MCC: variants seen among roughly 807,000 people sequenced by gnomAD.
MCC encodes colorectal mutant cancer protein.
MCC carries 90 observed loss-of-function variants against 116.2 expected under a neutral mutation model. The observed-to-expected ratio is 0.77, with a 90% CI of 0.65 to 0.92. The LOEUF is 0.92. MCC is among the 40% of genes least tolerant of loss of function. The pLI, the probability that MCC is intolerant of heterozygous loss-of-function variation, is 0.00. For missense variants in MCC, 1,516 were observed against 1,312.2 expected (o/e 1.16, Z -2.40); for synonymous variants, 578 against 510.5 (o/e 1.13, Z -1.78).
intron 1 of MCC, among the ~76,000 whole-genome samples, chr5:113,483,772 G>A (rs568133274): frequency 1.2e-4 from 18 of 152,154 alleles, no homozygotes; most frequent in Admixed American, 1.1e-3. Flanking sequence ...GTTCACAATA[G>A]TAAAGACATG....
At chr5:113,247,218 G>A (rs576026950) in intron 3 of MCC, among the ~76,000 whole-genome samples, 1 of 152,208 alleles carries the variant, frequency 6.6e-6, no homozygotes, top group Non-Finnish European at 1.5e-5. Flanking sequence ...ATCCAGAAGT[G>A]GGGGTTTCAT....
At chr5:113,219,369 C>T (rs1763454542) in intron 3 of MCC, among the ~76,000 whole-genome samples, 1 of 152,104 alleles carries the variant, frequency 6.6e-6, no homozygotes, top group African/African-American at 2.4e-5. Context: ...TGAGGACTTC[C>T]AATAAAAAGT....
Position 113,470,277 on chromosome 5 carries a change from T to A in MCC, c.170+17968A>T, listed in dbSNP as rs575494359. Among the ~76,000 whole-genome samples the A allele has an allele frequency of 2.3e-3, 353 of 152,276 alleles. 1 individual carries two copies. The highest frequency in any genetic ancestry group is 8.0e-3 in the African/African-American group (331 of 41,532). On this transcript the variant is annotated intron_variant, in intron 1 of 18. Transcript: ENST00000408903. ...AGTTGATGCAGTTTCTTCCTAGCCT[T>A]GATCGTCTTTACAATTTGGCATGTT...
intron 1 of MCC, among the ~76,000 whole-genome samples, chr5:113,388,202 A>G (rs912950502): frequency 6.6e-6 from 1 of 152,226 alleles, no homozygotes; most frequent in Non-Finnish European, 1.5e-5. Context: ...GGCTGATATA[A>G]AAGATCAAAG....
intron 9 of MCC, 32 bp downstream of exon 9, chr5:113,085,132 C>A: frequency 2.5e-6 from 4 of 1,613,502 alleles, no homozygotes; most frequent in Non-Finnish European, 3.4e-6. Context: ...AGGAGGTGTT[C>A]CCGCTCATCG....
chr5:113,229,961 G>A (rs1201225544), intron 3 of MCC, among the ~76,000 whole-genome samples: 1 of 152,212 alleles, frequency 6.6e-6, no homozygotes, highest in East Asian at 1.9e-4. Flanking sequence ...CAGTTGTTAA[G>A]GGAAGCATCA....
At position 113,434,944 on chromosome 5, in the gene MCC, G is replaced by T; in HGVS notation, c.171-49732C>A. The T allele has an allele frequency of 7.1e-7, 1 of 1,412,722 alleles. No individual in the cohort carries two copies. The highest frequency in any genetic ancestry group is 9.5e-7 in the Non-Finnish European group (1 of 1,049,442). The allele number at this position is 1,412,722 out of a possible 1,614,324, so 87.5% of individuals were successfully genotyped here. On this transcript the variant is annotated intron_variant, in intron 1 of 18. Transcript: ENST00000408903. This position sits in a 1 kb window ranked among gnomAD's most constrained non-coding sequence, Gnocchi z 4.2. ...TCCTGGATAGAGAGTCCTTTGGGCT[G>T]GCCAGGCCTGCTGTTCCTGCCTCCT...
chr5:113,136,580 C>G (rs1581136129), intron 5 of MCC, among the ~76,000 whole-genome samples: 1 of 152,104 alleles, frequency 6.6e-6, no homozygotes, highest in Middle Eastern at 3.4e-3. Flanking sequence ...AAATTTAAAC[C>G]TTTTTAGATC....
intron 3 of MCC, among the ~76,000 whole-genome samples, chr5:113,152,279 T>C (rs939705556): frequency 6.6e-6 from 1 of 152,194 alleles, no homozygotes; most frequent in South Asian, 2.1e-4. Context: ...CTACCACACA[T>C]GTGCCTTCTG....
intron 3 of MCC, among the ~76,000 whole-genome samples, chr5:113,265,187 A>G (rs558998294): frequency 1.7e-4 from 26 of 152,300 alleles, no homozygotes; most frequent in East Asian, 5.8e-4. Context: ...CCCTTAACAG[A>G]AAAGTTTTGC....
chr5:113,074,930 C>T (rs1420145397), intron 11 of MCC, among the ~76,000 whole-genome samples: 3 of 151,288 alleles, frequency 2.0e-5, no homozygotes, highest in East Asian at 3.8e-4. Flanking sequence ...CTTGGCACCT[C>T]GTCGGCCTCG....
chr5:113,252,286 G>A lies in MCC; in HGVS notation c.627+88233C>T, dbSNP rs547968182. Among the ~76,000 whole-genome samples, 74 of 152,352 alleles carry A rather than the reference G, an allele frequency of 4.9e-4. 1 individual carries two copies. In the South Asian group the frequency reaches 0.014, roughly 29 times the overall value. ...TACGAGGCCGCAAAGCAGGAGGTGA[G>A]TGGTGGGTGGGCGAGTGAGAGAAGC... is the stretch of plus-strand genomic sequence containing the variant. On this transcript the variant is annotated intron_variant, in intron 3 of 18. Transcript: ENST00000408903.
At chr5:113,214,424 T>G (rs1052842861) in intron 3 of MCC, among the ~76,000 whole-genome samples, 2 of 152,196 alleles carry the variant, frequency 1.3e-5, no homozygotes, top group African/African-American at 4.8e-5. Flanking sequence ...CTATACTGGG[T>G]GCCATGGAAC....
chr5:113,138,582 A>G (rs1182238009), intron 5 of MCC, among the ~76,000 whole-genome samples: 1 of 152,204 alleles, frequency 6.6e-6, no homozygotes, highest in Non-Finnish European at 1.5e-5. Context: ...TAGACTTCCC[A>G]GCCCCCAGAA....
At chr5:113,438,095 T>C (rs552514885) in intron 1 of MCC, among the ~76,000 whole-genome samples, 11 of 152,302 alleles carry the variant, frequency 7.2e-5, no homozygotes, top group Admixed American at 6.5e-5. Context: ...GCAAAATGCA[T>C]GAGAGGAGAG....
chr5:113,073,242 T>C (rs978557670), intron 11 of MCC, among the ~76,000 whole-genome samples: 3 of 152,324 alleles, frequency 2.0e-5, no homozygotes, highest in African/African-American at 7.2e-5. Context: ...CTTTCTCTTA[T>C]TCAAGTGCAA....
At chr5:113,376,715 C>A (rs115164555) in intron 2 of MCC, among the ~76,000 whole-genome samples, 2,426 of 152,050 alleles carry the variant, frequency 0.016, 68 homozygotes, top group African/African-American at 0.057. Flanking sequence ...TTTTTCCCTG[C>A]CCGGCACTCA....
At chr5:113,425,844 C>A (rs1057451828) in intron 1 of MCC, among the ~76,000 whole-genome samples, 2 of 151,680 alleles carry the variant, frequency 1.3e-5, no homozygotes, top group South Asian at 4.2e-4. Context: ...ACCTCGTTCA[C>A]CATGCTGGGG....
chr5:113,079,265 C>T (rs779669404), intron 11 of MCC, among the ~76,000 whole-genome samples: 1 of 152,242 alleles, frequency 6.6e-6, no homozygotes, highest in Non-Finnish European at 1.5e-5. Context: ...CCATCCCCAT[C>T]AAGCTATCAA....
Sources: allele counts gnomAD v4.1 joint callset (sites outside exome capture counted in the v4.1 genomes callset), GRCh38; gene constraint gnomAD v4.1.1; non-coding constraint Gnocchi (gnomAD v3.1); transcripts MANE v1.5; gene names NCBI Gene and HGNC (gene_info 2026-07-23, HGNC 2026-07-21).